EXOC2: variants seen among roughly 807,000 people sequenced by gnomAD.
The protein encoded by EXOC2 is SEC5-like 1.
In EXOC2, 70 loss-of-function variants were observed where a neutral mutation model predicts 131.8. The ratio of observed to expected loss-of-function variants is 0.53; its 90% CI spans 0.44 to 0.65. The LOEUF is 0.65. Ranked by LOEUF, EXOC2 falls within the 30% of genes least tolerant of loss-of-function variation. The pLI is 0.00. For synonymous variants in EXOC2, 411 were observed against 398.4 expected (o/e 1.03, Z -0.38); for missense variants, 923 against 1,108.6 (o/e 0.83, Z 2.38).
chr6:673,076 A>G (rs1218418071), intron 1 of EXOC2, among the ~76,000 whole-genome samples: 1 of 152,008 alleles, frequency 6.6e-6, no homozygotes, highest in Non-Finnish European at 1.5e-5. Context: ...CCTGGCCAAC[A>G]TGGTGAAACC....
At chr6:691,469 A>C (rs1008441204) in intron 1 of EXOC2, among the ~76,000 whole-genome samples, 1 of 152,176 alleles carries the variant, frequency 6.6e-6, no homozygotes, top group Non-Finnish European at 1.5e-5. Flanking sequence ...GGGGATAATA[A>C]CCTTCATGAT....
At chr6:603,774 A>G (rs1760243214) in intron 7 of EXOC2, among the ~76,000 whole-genome samples, 1 of 152,112 alleles carries the variant, frequency 6.6e-6, no homozygotes, top group African/African-American at 2.4e-5. Context: ...AAATCATTCA[A>G]TCCTGTTTGT....
intron 23 of EXOC2, among the ~76,000 whole-genome samples, chr6:521,751 C>G (rs1765480093): frequency 6.6e-6 from 1 of 152,094 alleles, no homozygotes; most frequent in South Asian, 2.1e-4. Context: ...TGGTCTCTAA[C>G]TCCTGGGCTC....
Position 637,711 on chromosome 6 carries a change from G to C in EXOC2, c.108C>G (p.Thr36=). Reference sequence around the variant, plus strand: ...GGCCTCTGCCCTTACCTATGAGGTCGGTGGGGCCAGTCCCCAGATTTTCTC... The same window carrying C: ...GGCCTCTGCCCTTACCTATGAGGTCCGTGGGGCCAGTCCCCAGATTTTCTC... The part of the protein sequence containing the change: ...IRGENLGTGP[T]DLIGLTICGH... The change falls in exon 2 of 28, where the codon ACC becomes ACG. Residue 36 remains threonine, a synonymous_variant. Transcript: ENST00000230449. 1.2e-6 allele frequency: 2 copies of C among 1,613,092 alleles called. No individual in the cohort carries two copies. Among genetic ancestry groups the C allele is most frequent in the Non-Finnish European group, 1.7e-6 (2 of 1,179,564 alleles).
At position 599,257 on chromosome 6, in the gene EXOC2, G is replaced by A. The variant is rs745337684; in HGVS notation, c.743-32C>T. 2.6e-5 allele frequency: 39 copies of A among 1,505,686 alleles called. No individual in the cohort carries two copies. In the Admixed American group the frequency reaches 7.5e-4, roughly 29 times the overall value. The allele number at this position is 1,505,686 out of a possible 1,614,324, so 93.3% of individuals were successfully genotyped here. ...TAAAAAGAGGAAAGGAAACTTAGAT[G>A]AAAGCTGATTTTAATCAGAAAATGT... is the stretch of plus-strand genomic sequence containing the variant. On this transcript the variant is annotated intron_variant, in intron 7 of 27. Coordinates refer to ENST00000230449, the MANE Select transcript of EXOC2 (RefSeq NM_018303.6).
chr6:631,888 T>C (rs1761877618), intron 3 of EXOC2, among the ~76,000 whole-genome samples: 1 of 152,212 alleles, frequency 6.6e-6, no homozygotes, highest in Admixed American at 6.5e-5. Context: ...TTTTTATTTA[T>C]AAAAATAATC....
At chr6:688,657 G>T (rs1476816760) in intron 1 of EXOC2, among the ~76,000 whole-genome samples, 3 of 152,162 alleles carry the variant, frequency 2.0e-5, no homozygotes, top group Non-Finnish European at 4.4e-5. Flanking sequence ...GCAACAGTCG[G>T]ATCCTCCTCC....
chr6:632,823 T>G (rs1157003166), intron 3 of EXOC2, 118 bp downstream of exon 3: 1 of 1,007,306 alleles, frequency 9.9e-7, no homozygotes, highest in East Asian at 2.5e-5. Flanking sequence ...AAACATAAAC[T>G]AAATCTAAGT....
In EXOC2 at chr6:615,172, T is replaced by TGTGG. The variant is rs1425725558; in HGVS notation, c.661+2535_661+2538dup. 5.5e-3 allele frequency among the ~76,000 whole-genome samples: 636 copies of TGTGG among 114,914 alleles called. 3 individuals carry two copies. Among genetic ancestry groups the TGTGG allele is most frequent in the African/African-American group, 0.026 (610 of 23,588 alleles). The allele number at this position is 114,914 out of a possible 152,430, so 75.4% of individuals were successfully genotyped here. A position where few individuals can be genotyped will look rare whatever the true frequency, so the allele number is the denominator to read the frequency against. On this transcript the variant is annotated intron_variant, in intron 6 of 27. Coordinates refer to ENST00000230449, the MANE Select transcript of EXOC2 (RefSeq NM_018303.6). ...AGACAGTAGAGGTTTGAAAAGTATA[T>TGTGG]GTGGGTGTGGGTGTGTGTGTGTGTG...
At chr6:645,374 G>T (rs371411188) in intron 1 of EXOC2, among the ~76,000 whole-genome samples, 2 of 152,104 alleles carry the variant, frequency 1.3e-5, no homozygotes, top group East Asian at 3.9e-4. Flanking sequence ...TTACCTGGGC[G>T]TAGGTAAAGA....
intron 1 of EXOC2, among the ~76,000 whole-genome samples, chr6:648,550 C>T (rs79863854): frequency 0.047 from 7,169 of 152,090 alleles, 294 homozygotes; most frequent in South Asian, 0.17. Context: ...ATACACTAAA[C>T]GGAGGTCAAC....
rs1760638452 is a variant in EXOC2 at position 610,095 on chromosome 6, T to C, written c.742+3A>G. On this transcript the variant is annotated splice_donor_region_variant and intron_variant, in intron 7 of 27. Coordinates refer to ENST00000230449, the MANE Select transcript of EXOC2 (RefSeq NM_018303.6). ...TAGTTCTGGGTAGTAGGACAAAACT[T>C]ACTGTTCAGAACATTCTCCAGTTTC... 6 of 1,613,308 alleles carry C rather than the reference T, an allele frequency of 3.7e-6. No individual in the cohort carries two copies. Among genetic ancestry groups the C allele is most frequent in the Non-Finnish European group, 4.2e-6 (5 of 1,179,704 alleles).
intron 1 of EXOC2, among the ~76,000 whole-genome samples, chr6:684,020 G>A (rs1440183990): frequency 2.0e-5 from 3 of 152,182 alleles, no homozygotes; most frequent in Non-Finnish European, 2.9e-5. Context: ...ATAAATTAAA[G>A]TAAACAGTGT....
chr6:503,435 T>C (rs189735704), intron 23 of EXOC2, among the ~76,000 whole-genome samples: 7 of 152,302 alleles, frequency 4.6e-5, no homozygotes, highest in Admixed American at 2.0e-4. Context: ...TTTCATGTTG[T>C]AAAAAACATC....
chr6:560,835 G>A (rs957286107), intron 17 of EXOC2, among the ~76,000 whole-genome samples: 1 of 151,822 alleles, frequency 6.6e-6, no homozygotes, highest in Non-Finnish European at 1.5e-5. Flanking sequence ...AGCCTCCCAG[G>A]TAGCTGGGAT....
rs1757888909 is a variant in EXOC2, at chr6:564,858, AC to A, written c.1509+5del. ...AAAGGTCTACATACTTATCACCCTT[AC>A]TCACCTTAAAATCATTTTGTCTTTG... On this transcript the variant is annotated splice_donor_5th_base_variant and intron_variant, in intron 14 of 27. Transcript: ENST00000230449. 1 of 1,612,446 alleles carries A rather than the reference AC, an allele frequency of 6.2e-7. No homozygotes were observed. The highest frequency in any genetic ancestry group is 1.3e-5 in the African/African-American group (1 of 74,802).
intron 22 of EXOC2, among the ~76,000 whole-genome samples, chr6:536,130 A>G (rs557244260): frequency 2.2e-4 from 33 of 152,204 alleles, no homozygotes; most frequent in Non-Finnish European, 4.0e-4. Flanking sequence ...GTCCCCTTTC[A>G]CCACTATTTC....
intron 1 of EXOC2, among the ~76,000 whole-genome samples, chr6:650,291 C>T (rs116822493): frequency 0.016 from 2,449 of 152,262 alleles, 31 homozygotes; most frequent in Middle Eastern, 0.045. Context: ...CACTGTGAAA[C>T]GTTTCTTATC....
chr6:681,234 C>A (rs1764389834), intron 1 of EXOC2, among the ~76,000 whole-genome samples: 1 of 152,164 alleles, frequency 6.6e-6, no homozygotes, highest in South Asian at 2.1e-4. Flanking sequence ...ACAATTCATG[C>A]TAAGGAAAAC....
Sources: allele counts gnomAD v4.1 joint callset (sites outside exome capture counted in the v4.1 genomes callset), GRCh38; gene constraint gnomAD v4.1.1; transcripts MANE v1.5; gene names NCBI Gene and HGNC (gene_info 2026-07-23, HGNC 2026-07-21).